The following EPHA5 variants were observed in gnomAD, a reference collection of about 807,000 sequenced individuals.
EPHA5 encodes the protein ephrin type-A receptor 5.
A neutral mutation model predicts 105.0 loss-of-function variants in EPHA5; 60 were observed. That is an observed-to-expected ratio of 0.57 (90% CI 0.46 to 0.71). The LOEUF (loss-of-function observed/expected upper bound fraction) is 0.71, where lower values mean the gene tolerates loss of function less well. Ranked by LOEUF, EPHA5 falls within the 30% of genes least tolerant of loss-of-function variation. EPHA5 has a pLI of 0.00. For missense variants in EPHA5, 1,218 were observed against 1,274.7 expected, an observed-to-expected ratio of 0.96 and a Z score of 0.68; for synonymous variants, 513 against 449.1, an observed-to-expected ratio of 1.14 and a Z score of -1.80.
At chr4:65,346,157 T>C (rs1025378799) in intron 14 of EPHA5, among the ~76,000 whole-genome samples, 1 of 151,968 alleles carries the variant, frequency 6.6e-6, no homozygotes, top group Non-Finnish European at 1.5e-5. Context: ...ATTGGCCATC[T>C]GCATTCCATC....
chr4:65,527,018 A>G (rs571865334), intron 3 of EPHA5, among the ~76,000 whole-genome samples: 1 of 152,168 alleles, frequency 6.6e-6, no homozygotes, highest in African/African-American at 2.4e-5. Context: ...AATAAATCAG[A>G]CTAAAAATCA....
chr4:65,578,369 G>T (rs1741275625), intron 3 of EPHA5, among the ~76,000 whole-genome samples: 1 of 152,096 alleles, frequency 6.6e-6, no homozygotes, highest in Non-Finnish European at 1.5e-5. Context: ...CTATGGAAAG[G>T]TCAGTAACAG....
At chr4:65,493,355 A>G (rs1284249997) in intron 4 of EPHA5, among the ~76,000 whole-genome samples, 1 of 152,088 alleles carries the variant, frequency 6.6e-6, no homozygotes, top group Non-Finnish European at 1.5e-5. Context: ...GTAGGCTTAT[A>G]AAATGTTGTT....
chr4:65,563,261 C>T (rs920231434), intron 3 of EPHA5, among the ~76,000 whole-genome samples: 5 of 151,844 alleles, frequency 3.3e-5, no homozygotes, highest in African/African-American at 4.8e-5. Context: ...GCTGCTAAGG[C>T]GTTGATGGCT....
chr4:65,344,685 A>G (rs1019565122), intron 14 of EPHA5, among the ~76,000 whole-genome samples: 6 of 152,166 alleles, frequency 3.9e-5, no homozygotes, highest in African/African-American at 1.2e-4. Flanking sequence ...TGGCATTGCA[A>G]TGAGGTTTAG....
chr4:65,597,724 C>T (rs1277483304), intron 3 of EPHA5, among the ~76,000 whole-genome samples: 2 of 152,082 alleles, frequency 1.3e-5, no homozygotes, highest in East Asian at 3.9e-4. Flanking sequence ...TATTTTGTTA[C>T]CTCGTCAAAA....
chr4:65,626,376 CTA>C (rs1234237624), intron 2 of EPHA5, among the ~76,000 whole-genome samples: 2 of 152,154 alleles, frequency 1.3e-5, no homozygotes, highest in South Asian at 2.1e-4. Context: ...TTTTCAGAGT[CTA>C]TAAAAAATAT....
At chr4:65,632,732 C>T (rs900656488) in intron 2 of EPHA5, among the ~76,000 whole-genome samples, 2 of 151,874 alleles carry the variant, frequency 1.3e-5, no homozygotes, top group Non-Finnish European at 2.9e-5. Flanking sequence ...CAATCGATAA[C>T]ACTATAAATA....
chr4:65,449,204 A>G (rs1560547620), intron 5 of EPHA5, among the ~76,000 whole-genome samples: 1 of 152,170 alleles, frequency 6.6e-6, no homozygotes, highest in Non-Finnish European at 1.5e-5. Flanking sequence ...TGTAGAATAA[A>G]CTCAAATGCC....
chr4:65,407,881 G>A (rs1424830942), intron 7 of EPHA5, among the ~76,000 whole-genome samples: 2 of 151,470 alleles, frequency 1.3e-5, no homozygotes, highest in East Asian at 1.9e-4. Flanking sequence ...TCAACCTTCC[G>A]AGTAGCTGGG....
chr4:65,327,951 A>T (rs1560413450), intron 16 of EPHA5, among the ~76,000 whole-genome samples: 1 of 151,356 alleles, frequency 6.6e-6, no homozygotes, highest in East Asian at 1.9e-4. Context: ...AATAAAATAT[A>T]AGAATGATAT....
intron 8 of EPHA5, among the ~76,000 whole-genome samples, chr4:65,401,203 T>A (rs1374339487): frequency 6.6e-6 from 1 of 152,142 alleles, no homozygotes; most frequent in Non-Finnish European, 1.5e-5. Context: ...TTTCCCAAAT[T>A]TATGTTAGGT....
intron 4 of EPHA5, among the ~76,000 whole-genome samples, chr4:65,493,770 C>T (rs1043310861): frequency 4.0e-5 from 6 of 151,798 alleles, no homozygotes; most frequent in South Asian, 2.1e-4. Flanking sequence ...TCCCCCCTCA[C>T]GCCCCACCCC....
At chr4:65,372,542 A>G (rs1476688886) in intron 8 of EPHA5, among the ~76,000 whole-genome samples, 3 of 151,900 alleles carry the variant, frequency 2.0e-5, no homozygotes, top group Non-Finnish European at 4.4e-5. Context: ...AAGTTAGACA[A>G]AAAGGGCAAC....
intron 1 of EPHA5, among the ~76,000 whole-genome samples, chr4:65,663,572 CT>C (rs1488124056): frequency 1.3e-4 from 19 of 151,890 alleles, no homozygotes; most frequent in Non-Finnish European, 2.7e-4. Flanking sequence ...GTTTATTTTT[CT>C]TTGCACTAAC....
chr4:65,471,994 T>C (rs1281998078), intron 5 of EPHA5, among the ~76,000 whole-genome samples: 2 of 152,140 alleles, frequency 1.3e-5, no homozygotes, highest in Non-Finnish European at 2.9e-5. Flanking sequence ...CAAAAGTGCA[T>C]AGTCCAAAGT....
At chr4:65,345,925 A>T (rs568381756) in intron 14 of EPHA5, among the ~76,000 whole-genome samples, 5 of 152,030 alleles carry the variant, frequency 3.3e-5, no homozygotes, top group Non-Finnish European at 5.9e-5. Flanking sequence ...GGCGCCCGCC[A>T]CCACGCCCGG....
intron 7 of EPHA5, among the ~76,000 whole-genome samples, chr4:65,411,536 T>C (rs1192265167): frequency 6.6e-6 from 1 of 152,246 alleles, no homozygotes; most frequent in East Asian, 1.9e-4. Context: ...ACCTGACTGA[T>C]AAAATCAATT....
chr4:65,468,193 T>C (rs1202864317), intron 5 of EPHA5, among the ~76,000 whole-genome samples: 1 of 152,080 alleles, frequency 6.6e-6, no homozygotes, highest in East Asian at 1.9e-4. Context: ...TACATATTTA[T>C]CAAGTAAGCC....
Sources: gnomAD v4.1 joint callset for allele counts (sites outside exome capture counted in the v4.1 genomes callset) on GRCh38, gnomAD v4.1.1 for gene constraint, MANE v1.5 for transcripts, NCBI Gene and HGNC (gene_info 2026-07-23, HGNC 2026-07-21) for gene names.